The following ANK1 variants were observed in gnomAD, a reference collection of about 807,000 sequenced individuals.
ANK1 encodes ankyrin-1.
Under a neutral mutation model 210.4 loss-of-function variants are expected in ANK1, and 51 were observed. The ratio of observed to expected loss-of-function variants is 0.24; its 90% CI spans 0.19 to 0.31. ANK1 has a LOEUF of 0.31. Among genes scored for constraint, ANK1 ranks in the 10% least tolerant of loss-of-function variants. The pLI is 1.00. For synonymous variants in ANK1, 967 were observed against 1,025.9 expected, an observed-to-expected ratio of 0.94 and a Z score of 1.10; for missense variants, 2,051 against 2,504.4, an observed-to-expected ratio of 0.82 and a Z score of 3.86.
chr8:41,868,506 G>A (rs965572884), intron 1 of ANK1, among the ~76,000 whole-genome samples: 1 of 152,234 alleles, frequency 6.6e-6, no homozygotes, highest in African/African-American at 2.4e-5. Context: ...CCTAAATGCA[G>A]CTTCCAGACA....
intron 1 of ANK1, among the ~76,000 whole-genome samples, chr8:41,830,996 G>A (rs1806496922): frequency 1.3e-5 from 2 of 152,284 alleles, no homozygotes; most frequent in Admixed American, 6.5e-5. Flanking sequence ...GAGGCTAATT[G>A]TTGGTGGCCC....
intron 1 of ANK1, among the ~76,000 whole-genome samples, chr8:41,776,860 A>C (rs943117159): frequency 3.3e-5 from 5 of 152,242 alleles, no homozygotes; most frequent in African/African-American, 1.2e-4. Flanking sequence ...CTACCACTCG[A>C]AAACACCTTG....
chr8:41,715,043 T>C lies in ANK1; in HGVS notation c.1634A>G (p.Lys545Arg), dbSNP rs774773483. The change falls in exon 15 of 43, where the codon AAG becomes AGG. Residue 545 changes from lysine to arginine, a missense_variant. By Grantham distance (26) the Lys-to-Arg change is conservative (BLOSUM62 2). This residue lies in a region of ANK1 where 1,413 missense variants were observed against 1,707.4 expected (regional missense o/e 0.83). Coordinates refer to ENST00000289734, the MANE Select transcript of ANK1 (RefSeq NM_000037.4). ...KGFTPLHVAA[K>R]YGKVRVAELL... ...CTCTGCCACCCGCACCTTCCCGTAC[T>C]TGGCCGCCACGTGCAGAGGGGTAAA... 1 of 1,614,148 alleles carries C rather than the reference T, an allele frequency of 6.2e-7. No individual in the cohort carries two copies. The highest frequency in any genetic ancestry group is 1.1e-5 in the South Asian group (1 of 91,078).
At chr8:41,688,966 A>G (rs555225) in intron 33 of ANK1, among the ~76,000 whole-genome samples, 144,513 of 152,288 alleles carry the variant, frequency 0.95, 68,641 homozygotes, top group East Asian at 1. Flanking sequence ...GTTAATATGC[A>G]ATGGAGCTGG....
intron 3 of ANK1, among the ~76,000 whole-genome samples, chr8:41,731,296 T>C (rs912941067): frequency 4.6e-5 from 7 of 152,128 alleles, no homozygotes; most frequent in African/African-American, 1.4e-4. Flanking sequence ...AACACCCAAT[T>C]TCTCTATTTT....
chr8:41,718,276 C>A (rs184545409), intron 10 of ANK1, 72 bp from the exon 11 acceptor site: 167 of 1,483,574 alleles, frequency 1.1e-4, no homozygotes, highest in Non-Finnish European at 3.4e-5. Context: ...CAGAAGACCA[C>A]CTGGCTGCTC....
At chr8:41,688,639 C>G in intron 33 of ANK1, 50 bp from the exon 34 acceptor site, 1 of 1,540,700 alleles carries the variant, frequency 6.5e-7, no homozygotes, top group Non-Finnish European at 9.0e-7. Context: ...CCCACCTTCC[C>G]AGAGAAAGTG....
intron 39 of ANK1, chr8:41,665,434 G>A (rs956867126): frequency 5.5e-5 from 25 of 456,280 alleles, no homozygotes; most frequent in African/African-American, 1.6e-4. Flanking sequence ...GCCTAACCCC[G>A]CCCTGCCCAG....
chr8:41,837,073 G>T (rs1218436725), intron 1 of ANK1, among the ~76,000 whole-genome samples: 1 of 152,178 alleles, frequency 6.6e-6, no homozygotes, highest in Non-Finnish European at 1.5e-5. Flanking sequence ...CCAGCAAAAC[G>T]TCCATTGAGA....
intron 1 of ANK1, among the ~76,000 whole-genome samples, chr8:41,863,779 G>C (rs1813750343): frequency 6.6e-6 from 1 of 152,138 alleles, no homozygotes; most frequent in African/African-American, 2.4e-5. Context: ...TTCTGTGCTG[G>C]GGCCGGGAAC....
chr8:41,666,608 C>G (rs144537998), intron 39 of ANK1, among the ~76,000 whole-genome samples: 123 of 152,382 alleles, frequency 8.1e-4, no homozygotes, highest in African/African-American at 2.7e-3. Context: ...TGCAATCTCT[C>G]TATCTCCATC....
intron 1 of ANK1, among the ~76,000 whole-genome samples, chr8:41,847,198 C>T (rs918133834): frequency 2.6e-5 from 4 of 152,214 alleles, no homozygotes; most frequent in African/African-American, 9.6e-5. Context: ...TAGGAGTTCA[C>T]CTCTTGCTCA....
rs201720301 is a variant in ANK1 at position 41,701,621 on chromosome 8, A to G, written c.2390T>C (p.Leu797Ser). 19 of 1,613,890 alleles carry G rather than the reference A, an allele frequency of 1.2e-5. No individual in the cohort carries two copies. Among genetic ancestry groups the G allele is most frequent in the East Asian group, 6.7e-5 (3 of 44,896 alleles). The change falls in exon 22 of 43, where the codon TTA becomes TCA. Residue 797 changes from leucine to serine, a missense_variant and splice_region_variant. Physicochemically the swap from Leu to Ser is moderately radical, Grantham distance 145. Coordinates refer to ENST00000289734, the MANE Select transcript of ANK1 (RefSeq NM_000037.4). ...ACTCATTCGATGCTTATCACTGACT[A>G]ACTAAAACGAGAAAAAGCAGATAAT... ...KVVTDETSFVLVSDKHRMSFP... is the reference protein window; with the variant it reads ...KVVTDETSFVSVSDKHRMSFP...
At chr8:41,730,321 G>A (rs1021858815) in intron 3 of ANK1, among the ~76,000 whole-genome samples, 1 of 152,206 alleles carries the variant, frequency 6.6e-6, no homozygotes, top group African/African-American at 2.4e-5. Flanking sequence ...CATAAAGCCT[G>A]GGGCTGGGTG....
intron 24 of ANK1, 130 bp from the exon 25 acceptor site, chr8:41,696,903 G>A: frequency 3.5e-6 from 3 of 861,264 alleles, no homozygotes; most frequent in Non-Finnish European, 5.6e-6. Flanking sequence ...TGCTCCCACG[G>A]GACCCCACCG....
intron 1 of ANK1, among the ~76,000 whole-genome samples, chr8:41,779,834 A>T (rs1205650118): frequency 6.6e-6 from 1 of 152,196 alleles, no homozygotes; most frequent in Non-Finnish European, 1.5e-5. Context: ...CAGCAACCGG[A>T]GCCAAGTCGG....
intron 37 of ANK1, among the ~76,000 whole-genome samples, chr8:41,677,666 T>C (rs1428281717): frequency 6.6e-6 from 1 of 151,672 alleles, no homozygotes; most frequent in Non-Finnish European, 1.5e-5. Flanking sequence ...CTTGGTTCAC[T>C]GCAACCTCTG....
In ANK1 at chr8:41,889,822, A is replaced by C. The variant is rs1472364211; in HGVS notation, c.126+6533T>G. 3.9e-5 allele frequency among the ~76,000 whole-genome samples: 6 copies of C among 152,370 alleles called. No individual in the cohort carries two copies. In the East Asian group the frequency reaches 1.2e-3, roughly 29 times the overall value. On this transcript the variant is annotated intron_variant, in intron 1 of 42. Transcript: ENST00000265709. ...CCCTCTGATATACAGCACTGGTGCCACACAAGACTTCAATAAAGCTTGCAA... is the reference window on the plus strand; with the variant it reads ...CCCTCTGATATACAGCACTGGTGCCCCACAAGACTTCAATAAAGCTTGCAA...
chr8:41,722,871 G>A (rs937714816), intron 9 of ANK1, among the ~76,000 whole-genome samples: 8 of 152,140 alleles, frequency 5.3e-5, no homozygotes, highest in African/African-American at 1.9e-4. Flanking sequence ...ATTGCAACAG[G>A]GACCACGGCC....
Sources: gnomAD v4.1 joint callset for allele counts (sites outside exome capture counted in the v4.1 genomes callset) on GRCh38, gnomAD v4.1.1 for gene constraint, gnomAD v4.1.1 regional missense constraint, MANE v1.5 for transcripts, NCBI Gene and HGNC (gene_info 2026-07-23, HGNC 2026-07-21) for gene names.